The following PIP5K1A variants were observed in gnomAD, a reference collection of about 807,000 sequenced individuals.
PIP5K1A encodes the protein phosphatidylinositol 4-phosphate 5-kinase type-1 alpha.
Under a neutral mutation model 72.9 loss-of-function variants are expected in PIP5K1A, and 46 were observed. The ratio of observed to expected loss-of-function variants is 0.63; its 90% CI spans 0.50 to 0.81. PIP5K1A has a LOEUF of 0.81. Ranked by LOEUF, PIP5K1A falls within the 30% of genes least tolerant of loss-of-function variation. The pLI is 0.00. For missense variants in PIP5K1A, 458 were observed against 706.1 expected, an observed-to-expected ratio of 0.65 and a Z score of 3.98; for synonymous variants, 228 against 255.1, an observed-to-expected ratio of 0.89 and a Z score of 1.01.
chr1:151,206,557 TTTTTG>T (rs1016524634), intron 1 of PIP5K1A, among the ~76,000 whole-genome samples: 9 of 152,098 alleles, frequency 5.9e-5, no homozygotes, highest in Non-Finnish European at 1.0e-4. Context: ...ATTAATACTT[TTTTTG>T]TTTTGTTTTG....
chr1:151,198,570 C>A lies in PIP5K1A; in HGVS notation c.-427C>A, dbSNP rs965953109. On this transcript the variant is annotated 5_prime_UTR_variant, in exon 1 of 16. Coordinates refer to ENST00000368888, the MANE Select transcript of PIP5K1A (RefSeq NM_001135638.2). ...GTGCTCGGATTTTTTGCTTGGCTAC[C>A]CGGAGTGAAGCGGCCGGGTTGGGCG... 5 of 200,060 alleles carry A rather than the reference C, an allele frequency of 2.5e-5. No homozygotes were observed. The East Asian group carries it at 6.6e-4, about 26-fold the overall frequency. The allele number at this position is 200,060 out of a possible 1,614,324, so 12.4% of individuals were successfully genotyped here.
At chr1:151,212,881 C>CTTTTTTTTTTTTT (rs59115186) in intron 1 of PIP5K1A, among the ~76,000 whole-genome samples, 3 of 112,998 alleles carry the variant, frequency 2.7e-5, no homozygotes, top group Non-Finnish European at 3.6e-5. Flanking sequence ...CTGACTTTGC[C>CTTTTTTTTTTTTT]TTTTTTTTTT....
chr1:151,227,019 C>T (rs1281442321), intron 3 of PIP5K1A, among the ~76,000 whole-genome samples: 1 of 152,120 alleles, frequency 6.6e-6, no homozygotes, highest in Admixed American at 6.6e-5. Context: ...AAGAGCGAGA[C>T]TCTGTTTCAA....
chr1:151,234,321 A>G lies in PIP5K1A; in HGVS notation c.764A>G (p.His255Arg), dbSNP rs587618751. 11 of 1,614,020 alleles carry G rather than the reference A, an allele frequency of 6.8e-6. No individual in the cohort carries two copies. Among genetic ancestry groups the G allele is most frequent in the African/African-American group, 4.0e-5 (3 of 75,048 alleles). ...NNLLPRSVKM[H>R]IKYDLKGSTY... is the part of the protein sequence containing the mutation. Reference sequence around the variant, plus strand: ...CTTTTACCAAGATCGGTAAAAATGCATATCAAATATGACCTCAAAGGCTCA... The same window carrying G: ...CTTTTACCAAGATCGGTAAAAATGCGTATCAAATATGACCTCAAAGGCTCA... The change falls in exon 8 of 16, where the codon CAT (histidine) becomes CGT (arginine). Residue 255 changes from histidine (H) to arginine (R), a missense_variant. Coordinates refer to ENST00000368888, the MANE Select transcript of PIP5K1A (RefSeq NM_001135638.2).
chr1:151,198,169 G>A, upstream of PIP5K1A: 3 of 456,972 alleles, frequency 6.6e-6, no homozygotes, highest in Admixed American at 2.6e-5. Context: ...TAGTAAAACA[G>A]GAAAAAGACT....
intron 3 of PIP5K1A, among the ~76,000 whole-genome samples, chr1:151,225,092 T>C (rs1688913824): frequency 6.6e-6 from 1 of 152,118 alleles, no homozygotes; most frequent in Non-Finnish European, 1.5e-5. Context: ...CCTAACACTT[T>C]GGGAGGCCAA....
At chr1:151,212,995 A>C (rs1687058199) in intron 1 of PIP5K1A, among the ~76,000 whole-genome samples, 1 of 141,982 alleles carries the variant, frequency 7.0e-6, no homozygotes, top group African/African-American at 2.7e-5. Flanking sequence ...GGTTCATGCC[A>C]TTCTCCTGCC....
At chr1:151,247,241 G>A (rs1692638814) in intron 15 of PIP5K1A, among the ~76,000 whole-genome samples, 1 of 151,736 alleles carries the variant, frequency 6.6e-6, no homozygotes, top group Non-Finnish European at 1.5e-5. Context: ...CAGTTCTCCT[G>A]TCTCAGCCTC....
chr1:151,229,184 A>AAAC (rs1689641946), intron 4 of PIP5K1A, among the ~76,000 whole-genome samples: 1 of 149,262 alleles, frequency 6.7e-6, no homozygotes, highest in African/African-American at 2.5e-5. Flanking sequence ...AAAAAAAAAA[A>AAAC]AAAAAAAAAC....
chr1:151,222,615 C>G lies in PIP5K1A; in HGVS notation c.86-1630C>G, dbSNP rs971889064. 3.9e-5 allele frequency among the ~76,000 whole-genome samples: 6 copies of G among 152,266 alleles called. No individual in the cohort carries two copies. In the South Asian group the frequency reaches 1.2e-3, roughly 32 times the overall value. On this transcript the variant is annotated intron_variant, in intron 1 of 15. Coordinates refer to ENST00000368888, the MANE Select transcript of PIP5K1A (RefSeq NM_001135638.2). ...GTAACTACCAGACTAGAAGCAGATG[C>G]TGGCTTTTGGTTCTGCCTGGTCTCT...
At position 151,238,191 on chromosome 1, in the gene PIP5K1A, C is replaced by T. The variant is rs185740679; in HGVS notation, c.1155C>T (p.Gly385=). 1 of 1,610,348 alleles carries T rather than the reference C, an allele frequency of 6.2e-7. No homozygotes were observed. The highest frequency in any genetic ancestry group is 2.2e-5 in the East Asian group (1 of 44,840). ...TTTTTGCCTTTTCCAGTATGGGTGG[C>T]ATCCCTGCCCGGAATAGTAAAGGGG... is the stretch of plus-strand genomic sequence containing the variant. ...GTMETDDHMG[G]IPARNSKGER... is the part of the protein sequence containing the mutation. The change falls in exon 10 of 16, where the codon GGC becomes GGT. Residue 385 remains glycine (G), a synonymous_variant. Coordinates refer to ENST00000368888, the MANE Select transcript of PIP5K1A (RefSeq NM_001135638.2).
intron 4 of PIP5K1A, among the ~76,000 whole-genome samples, chr1:151,229,146 C>A (rs1367147776): frequency 9.4e-6 from 1 of 106,798 alleles, no homozygotes; most frequent in Admixed American, 1.5e-4. Flanking sequence ...CCAGCCTGGG[C>A]AACAGAGCGA....
chr1:151,241,996 A>T, intron 12 of PIP5K1A, 127 bp from the exon 13 acceptor site: 2 of 846,470 alleles, frequency 2.4e-6, no homozygotes, highest in East Asian at 2.4e-5. Context: ...CTTTGTTGAC[A>T]TTAGCCTTTT....
chr1:151,232,528 T>C (rs1690246799), intron 6 of PIP5K1A, 23 bp from the exon 7 acceptor site: 1 of 1,590,778 alleles, frequency 6.3e-7, no homozygotes, highest in Non-Finnish European at 8.5e-7. Flanking sequence ...CTAAATCTCT[T>C]AGTTCTTCTC....
At chr1:151,219,851 CTT>C (rs71237867) in intron 1 of PIP5K1A, among the ~76,000 whole-genome samples, 5 of 98,692 alleles carry the variant, frequency 5.1e-5, no homozygotes, top group Admixed American at 1.4e-4. Context: ...ATATTCTTTC[CTT>C]TTTTTTTTTT....
chr1:151,236,763 A>G lies in PIP5K1A; in HGVS notation c.1145A>G (p.His382Arg), dbSNP rs754145025. ...GGTGGTACCATGGAGACTGATGACC[A>G]GTAAGTGGGCTCAGGGCCACTAGGG... ...RRGGTMETDD[H>R]MGGIPARNSK... Residue 382 changes from histidine (H) to arginine (R), a missense_variant and splice_region_variant, in exon 9 of 16, where the codon CAT becomes CGT. By Grantham distance (29) the His-to-Arg change is conservative. Transcript: ENST00000368888. The G allele has an allele frequency of 1.2e-5, 19 of 1,610,100 alleles. No homozygotes were observed. The African/African-American group carries it at 1.7e-4, about 15-fold the overall frequency.
intron 3 of PIP5K1A, 132 bp downstream of exon 3, chr1:151,224,538 C>T (rs1311879053): frequency 4.3e-6 from 3 of 703,594 alleles, no homozygotes; most frequent in African/African-American, 1.8e-5. Context: ...TACCTAAGTG[C>T]CCTTTAAGAT....
intron 1 of PIP5K1A, among the ~76,000 whole-genome samples, chr1:151,219,899 C>G (rs1053485168): frequency 7.7e-6 from 1 of 129,096 alleles, no homozygotes; most frequent in African/African-American, 2.9e-5. Flanking sequence ...CTATGTTGCT[C>G]GAGCTGGTCT....
chr1:151,224,028 T>A, intron 1 of PIP5K1A: 1 of 565,140 alleles, frequency 1.8e-6, no homozygotes, highest in Non-Finnish European at 3.1e-6. Flanking sequence ...AAGAAAGGGG[T>A]CTAGAATAAA....
Sources: gnomAD v4.1 joint callset for allele counts (sites outside exome capture counted in the v4.1 genomes callset) on GRCh38, gnomAD v4.1.1 for gene constraint, MANE v1.5 for transcripts, NCBI Gene and HGNC (gene_info 2026-07-23, HGNC 2026-07-21) for gene names.